Variants in NTM observed in about 807,000 individuals in gnomAD.
NTM encodes IgLON family member 2.
NTM carries 13 observed loss-of-function variants against 42.1 expected under a neutral mutation model. The ratio of observed to expected loss-of-function variants is 0.31; its 90% CI spans 0.20 to 0.49. The LOEUF (loss-of-function observed/expected upper bound fraction) is 0.49. NTM is among the 20% of genes least tolerant of loss of function. The pLI, the probability that NTM is intolerant of heterozygous loss-of-function variation, is 0.99. For synonymous variants in NTM, 187 were observed against 179.2 expected (o/e 1.04, Z -0.35); for missense variants, 373 against 452.8 (o/e 0.82, Z 1.60).
intron 2 of NTM, among the ~76,000 whole-genome samples, chr11:132,116,427 G>C (rs906390660): frequency 1.3e-5 from 2 of 152,236 alleles, no homozygotes; most frequent in African/African-American, 4.8e-5. Context: ...GCCAGAGGGA[G>C]AGGAAGCCTG....
At chr11:132,254,175 A>G (rs539599177) in intron 4 of NTM, among the ~76,000 whole-genome samples, 1 of 152,204 alleles carries the variant, frequency 6.6e-6, no homozygotes, top group South Asian at 2.1e-4. Flanking sequence ...AGACGCACTG[A>G]CAGGGCCTGT....
intron 1 of NTM, among the ~76,000 whole-genome samples, chr11:131,448,045 T>G (rs964412707): frequency 6.6e-6 from 1 of 152,226 alleles, no homozygotes; most frequent in African/African-American, 2.4e-5. Context: ...ACCCCCACCC[T>G]GCCCTGCTGC....
At chr11:132,147,786 G>A (rs1209957661) in intron 3 of NTM, among the ~76,000 whole-genome samples, 1 of 152,058 alleles carries the variant, frequency 6.6e-6, no homozygotes, top group African/African-American at 2.4e-5. Context: ...CCCCTTGTCG[G>A]TGTGTTCAAG....
At chr11:131,427,678 G>A (rs1448352) in intron 1 of NTM, among the ~76,000 whole-genome samples, 63,003 of 152,014 alleles carry the variant, frequency 0.41, 14,008 homozygotes, top group East Asian at 0.87. Context: ...TTCAGTTATC[G>A]TGTATTACAC....
Position 131,462,664 on chromosome 11 carries a change from T to C in NTM, c.82+91776T>C, listed in dbSNP as rs186610744. Among the ~76,000 whole-genome samples the C allele has an allele frequency of 2.6e-4, 40 of 152,358 alleles. No individual in the cohort carries two copies. In the East Asian group the frequency reaches 7.3e-3, roughly 28 times the overall value. The stretch of plus-strand genomic sequence containing the variant: ...TCTGATTCTGTTTCAGTGGTTTCCT[T>C]TCATCCTGCATGGATCCTGGCAAAC... On this transcript the variant is annotated intron_variant, in intron 1 of 8. Transcript: ENST00000683400.
intron 1 of NTM, among the ~76,000 whole-genome samples, chr11:131,571,687 G>A (rs763425951): frequency 4.2e-4 from 64 of 152,194 alleles, no homozygotes; most frequent in Non-Finnish European, 7.1e-4. Flanking sequence ...TATGTTCTTT[G>A]TTAAAGAGCA....
intron 2 of NTM, chr11:131,922,210 G>A (rs2057325480): frequency 6.6e-6 from 1 of 152,562 alleles, no homozygotes; most frequent in African/African-American, 2.4e-5. Context: ...ACTCATTATG[G>A]CTGCTGGACA....
At chr11:131,502,527 G>C (rs1016978313) in intron 1 of NTM, among the ~76,000 whole-genome samples, 2 of 152,146 alleles carry the variant, frequency 1.3e-5, no homozygotes, top group Non-Finnish European at 2.9e-5. Context: ...GGGGGAAAGT[G>C]CTATCACAGA....
chr11:131,932,302 A>G (rs1413786539), intron 2 of NTM, among the ~76,000 whole-genome samples: 9 of 152,258 alleles, frequency 5.9e-5, no homozygotes, highest in Admixed American at 5.9e-4. Flanking sequence ...GAAGCCTATG[A>G]TTCCAAGTAG....
chr11:131,507,063 A>C (rs1279522100), intron 1 of NTM, among the ~76,000 whole-genome samples: 2 of 152,220 alleles, frequency 1.3e-5, no homozygotes, highest in Non-Finnish European at 2.9e-5. Context: ...CACTGTTTAC[A>C]GACAACCTCT....
At chr11:131,615,614 C>A (rs1424014106) in intron 1 of NTM, among the ~76,000 whole-genome samples, 1 of 152,160 alleles carries the variant, frequency 6.6e-6, no homozygotes, top group East Asian at 1.9e-4. Context: ...AAGTGATCCA[C>A]CCTCCTCAGC....
At chr11:131,448,642 G>C (rs986428294) in intron 1 of NTM, among the ~76,000 whole-genome samples, 37 of 152,360 alleles carry the variant, frequency 2.4e-4, no homozygotes, top group African/African-American at 8.7e-4. Context: ...GGAAGGAAGA[G>C]GCTACCTCAG....
intron 1 of NTM, among the ~76,000 whole-genome samples, chr11:131,793,556 G>A (rs1329480490): frequency 6.6e-6 from 1 of 152,152 alleles, no homozygotes; most frequent in Non-Finnish European, 1.5e-5. Context: ...CAAAGCCATA[G>A]CACCTATGTG....
At chr11:132,126,590 G>A (rs538951773) in intron 2 of NTM, among the ~76,000 whole-genome samples, 21 of 152,308 alleles carry the variant, frequency 1.4e-4, no homozygotes, top group Admixed American at 1.2e-3. Context: ...TCCCCTAGCA[G>A]TTGTTTTTGG....
intron 1 of NTM, among the ~76,000 whole-genome samples, chr11:131,593,479 T>C (rs1268269210): frequency 6.6e-6 from 1 of 152,168 alleles, no homozygotes; most frequent in Non-Finnish European, 1.5e-5. Context: ...CAACTCTGCC[T>C]GTGGATCTCA....
intron 3 of NTM, among the ~76,000 whole-genome samples, chr11:132,208,548 G>A (rs2082336861): frequency 6.6e-6 from 1 of 152,208 alleles, no homozygotes; most frequent in African/African-American, 2.4e-5. Flanking sequence ...TTCCAAGCAT[G>A]AGGTGCGATT....
At chr11:131,624,900 G>T (rs2062950087) in intron 1 of NTM, among the ~76,000 whole-genome samples, 3 of 152,196 alleles carry the variant, frequency 2.0e-5, no homozygotes, top group Admixed American at 1.3e-4. Context: ...TCTCCACAGA[G>T]CATACAGTTT....
chr11:131,843,248 T>C (rs902654705), intron 1 of NTM, among the ~76,000 whole-genome samples: 2 of 152,154 alleles, frequency 1.3e-5, no homozygotes, highest in Non-Finnish European at 2.9e-5. Flanking sequence ...TGCTCCTGTC[T>C]CCCCTCTCCA....
At chr11:132,113,917 A>G (rs189632154) in intron 2 of NTM, among the ~76,000 whole-genome samples, 1 of 152,282 alleles carries the variant, frequency 6.6e-6, no homozygotes, top group East Asian at 1.9e-4. Context: ...TGGCTGCTCC[A>G]TGCTGATTCC....
Sources: allele counts gnomAD v4.1 joint callset (sites outside exome capture counted in the v4.1 genomes callset), GRCh38; gene constraint gnomAD v4.1.1; transcripts MANE v1.5; gene names NCBI Gene and HGNC (gene_info 2026-07-23, HGNC 2026-07-21).